NAALADL2: variants seen among roughly 807,000 people sequenced by gnomAD.
NAALADL2 encodes the protein inactive N-acetylated-alpha-linked acidic dipeptidase-like protein 2.
NAALADL2 carries 76 observed loss-of-function variants against 87.2 expected under a neutral mutation model. That is an observed-to-expected ratio of 0.87 (90% CI 0.72 to 1.05). The LOEUF (loss-of-function observed/expected upper bound fraction) is 1.05. Among genes scored for constraint, NAALADL2 ranks in the 50% least tolerant of loss-of-function variants. NAALADL2 has a pLI of 0.00. For missense variants in NAALADL2, 1,089 were observed against 945.8 expected (o/e 1.15, Z -1.99); for synonymous variants, 354 against 331.0 (o/e 1.07, Z -0.75).
chr3:175,742,830 T>G (rs1745425533), intron 12 of NAALADL2, among the ~76,000 whole-genome samples: 1 of 152,174 alleles, frequency 6.6e-6, no homozygotes, highest in East Asian at 1.9e-4. Flanking sequence ...AAAGATATGA[T>G]CTAATTGTAA....
At chr3:175,344,103 C>G (rs1384894572) in intron 5 of NAALADL2, among the ~76,000 whole-genome samples, 2 of 152,048 alleles carry the variant, frequency 1.3e-5, no homozygotes, top group African/African-American at 2.4e-5. Context: ...TCATGGACTG[C>G]TTTTATAAAA....
At chr3:175,682,592 G>T (rs2149886894) in intron 11 of NAALADL2, among the ~76,000 whole-genome samples, 1 of 151,426 alleles carries the variant, frequency 6.6e-6, no homozygotes, top group East Asian at 1.9e-4. Context: ...GACAATGGCA[G>T]AAATGTAGTG....
chr3:175,216,668 CTTTTT>C (rs3067029), intron 2 of NAALADL2, among the ~76,000 whole-genome samples: 6 of 87,344 alleles, frequency 6.9e-5, no homozygotes, highest in Admixed American at 2.5e-4. Flanking sequence ...TTTTTCTTTT[CTTTTT>C]TTTTTTTTTT....
chr3:175,152,821 T>C (rs1731737786), intron 2 of NAALADL2, among the ~76,000 whole-genome samples: 5 of 151,770 alleles, frequency 3.3e-5, no homozygotes, highest in Admixed American at 3.3e-4. Context: ...GCAGGAGAAT[T>C]GCTTGAACCC....
At chr3:175,161,716 T>G (rs1733253357) in intron 2 of NAALADL2, among the ~76,000 whole-genome samples, 2 of 140,544 alleles carry the variant, frequency 1.4e-5, no homozygotes, top group African/African-American at 5.3e-5. Flanking sequence ...TTGCCCAAAC[T>G]TCTATAGCAA....
chr3:174,597,203 A>G (rs879529534), intron 2 of NAALADL2, among the ~76,000 whole-genome samples: 6 of 152,210 alleles, frequency 3.9e-5, no homozygotes, highest in Non-Finnish European at 7.3e-5. Flanking sequence ...CTCTGAGTGG[A>G]TTCATACAGC....
Position 175,440,441 on chromosome 3 carries a change from C to T in NAALADL2, c.1091-6788C>T, listed in dbSNP as rs1581898471. Among the ~76,000 whole-genome samples, 5 of 151,804 alleles carry T rather than the reference C, an allele frequency of 3.3e-5. 1 individual carries two copies. In the South Asian group the frequency reaches 8.3e-4, roughly 25 times the overall value. On this transcript the variant is annotated intron_variant, in intron 5 of 13. Transcript: ENST00000454872. The stretch of plus-strand genomic sequence containing the variant: ...TTAAGAATGATGGTGGTATTTTGAT[C>T]GAAATTACATTGAATTTGTAAATTG...
intron 5 of NAALADL2, among the ~76,000 whole-genome samples, chr3:175,362,591 A>G (rs1286410392): frequency 1.4e-5 from 2 of 148,052 alleles, no homozygotes; most frequent in African/African-American, 4.9e-5. Flanking sequence ...ATTTATGGGC[A>G]TTTGGGCTGG....
intron 6 of NAALADL2, among the ~76,000 whole-genome samples, chr3:175,460,906 G>A (rs1190247620): frequency 6.6e-6 from 1 of 152,200 alleles, no homozygotes; most frequent in African/African-American, 2.4e-5. Flanking sequence ...TGTGGAAAGT[G>A]ACCCAAGCAG....
At chr3:175,760,145 T>G (rs562062005) in intron 13 of NAALADL2, among the ~76,000 whole-genome samples, 2 of 152,290 alleles carry the variant, frequency 1.3e-5, no homozygotes, top group African/African-American at 4.8e-5. Flanking sequence ...TTAGTGATTG[T>G]GTGGCTCTAA....
At chr3:175,245,534 C>T (rs1381442768) in intron 3 of NAALADL2, among the ~76,000 whole-genome samples, 2 of 152,270 alleles carry the variant, frequency 1.3e-5, no homozygotes, top group Middle Eastern at 3.4e-3. Flanking sequence ...TATTAAACAA[C>T]TACTGTATGC....
chr3:175,363,024 A>G (rs1765201579), intron 5 of NAALADL2, among the ~76,000 whole-genome samples: 1 of 146,940 alleles, frequency 6.8e-6, no homozygotes, highest in African/African-American at 2.5e-5. Flanking sequence ...CTCTTCTGTT[A>G]TCTTTTCTGT....
intron 2 of NAALADL2, among the ~76,000 whole-genome samples, chr3:175,175,510 TGTC>T (rs1735571118): frequency 6.6e-6 from 1 of 152,210 alleles, no homozygotes; most frequent in Admixed American, 6.5e-5. Flanking sequence ...AATTTCCTGT[TGTC>T]CGTGTAAATT....
intron 2 of NAALADL2, among the ~76,000 whole-genome samples, chr3:174,555,684 A>G (rs1385328190): frequency 6.6e-6 from 1 of 152,156 alleles, no homozygotes; most frequent in Non-Finnish European, 1.5e-5. Context: ...CTGGGGAGGA[A>G]CTGAGCAAGA....
chr3:175,095,755 C>T (rs551582597), intron 1 of NAALADL2, among the ~76,000 whole-genome samples: 160 of 152,070 alleles, frequency 1.1e-3, no homozygotes, highest in African/African-American at 3.7e-3. Flanking sequence ...GTTCTTTGCC[C>T]ACCACAGTGG....
chr3:175,777,015 A>G (rs1201214372), intron 13 of NAALADL2, among the ~76,000 whole-genome samples: 2 of 151,834 alleles, frequency 1.3e-5, no homozygotes, highest in African/African-American at 2.4e-5. Flanking sequence ...ACTATCTCAT[A>G]CTATCTAACT....
intron 10 of NAALADL2, among the ~76,000 whole-genome samples, chr3:175,611,079 C>A (rs1009221858): frequency 6.6e-6 from 1 of 151,888 alleles, no homozygotes; most frequent in African/African-American, 2.4e-5. Context: ...TAAACCCAGG[C>A]CCCAGATTTC....
chr3:175,130,462 G>A (rs1367065710), intron 2 of NAALADL2, among the ~76,000 whole-genome samples: 1 of 152,166 alleles, frequency 6.6e-6, no homozygotes, highest in Non-Finnish European at 1.5e-5. Context: ...TCTTCTAGGA[G>A]TTTATGATTT....
At chr3:174,555,177 G>C (rs545597679) in intron 2 of NAALADL2, among the ~76,000 whole-genome samples, 71 of 152,248 alleles carry the variant, frequency 4.7e-4, no homozygotes, top group South Asian at 3.9e-3. Flanking sequence ...CTTACTCATT[G>C]CAAGTTTCAT....
Sources: gnomAD v4.1 joint callset for allele counts (sites outside exome capture counted in the v4.1 genomes callset) on GRCh38, gnomAD v4.1.1 for gene constraint, MANE v1.5 for transcripts, NCBI Gene and HGNC (gene_info 2026-07-23, HGNC 2026-07-21) for gene names.